SPATA17: variants seen among roughly 807,000 people sequenced by gnomAD.
SPATA17 encodes spermatogenesis associated 17, also known as spermatogenesis-associated protein 17.
In SPATA17, 53 loss-of-function variants were observed where a neutral mutation model predicts 62.2. That is an observed-to-expected ratio of 0.85 (90% CI 0.68 to 1.07). The LOEUF is 1.07. SPATA17 is among the 50% of genes least tolerant of loss of function. The probability of loss-of-function intolerance (pLI) is 0.00; values close to 1 mark genes in which losing one functional copy is unlikely to be tolerated. For missense variants in SPATA17, 466 were observed against 425.5 expected (o/e 1.10, Z -0.84); for synonymous variants, 146 against 146.8 (o/e 0.99, Z 0.04).
intron 5 of SPATA17, among the ~76,000 whole-genome samples, chr1:217,702,727 T>C (rs1042235981): frequency 6.6e-6 from 1 of 152,192 alleles, no homozygotes; most frequent in Non-Finnish European, 1.5e-5. Flanking sequence ...AGGTAATCCT[T>C]TGGCATTTTT....
In SPATA17 at chr1:217,741,382, C is replaced by T. The variant is rs1038782864; in HGVS notation, c.396-593C>T. On this transcript the variant is annotated intron_variant, in intron 5 of 10. Transcript: ENST00000366933. The stretch of plus-strand genomic sequence containing the variant: ...TACTTAGAAAAGACTTGCACTTTCT[C>T]ACCTAATTTAGCTTTTATTCGAATT... Among the ~76,000 whole-genome samples, 5 of 152,190 alleles carry T rather than the reference C, an allele frequency of 3.3e-5. No homozygotes were observed. In the East Asian group the frequency reaches 9.6e-4, roughly 29 times the overall value.
chr1:217,795,168 G>T (rs1269792577), intron 8 of SPATA17, among the ~76,000 whole-genome samples: 1 of 151,914 alleles, frequency 6.6e-6, no homozygotes, highest in Non-Finnish European at 1.5e-5. Flanking sequence ...ACACTTAAAT[G>T]GATTTTTGGC....
chr1:217,675,238 T>C (rs1558561236), intron 4 of SPATA17, among the ~76,000 whole-genome samples: 2 of 152,170 alleles, frequency 1.3e-5, no homozygotes, highest in Non-Finnish European at 2.9e-5. Context: ...GGGAAAATTA[T>C]ACTTATTTTT....
chr1:217,681,379 C>A (rs1671080671), intron 4 of SPATA17, among the ~76,000 whole-genome samples: 2 of 151,706 alleles, frequency 1.3e-5, no homozygotes, highest in Admixed American at 1.3e-4. Flanking sequence ...TGTTTAATAT[C>A]TTTTTTTCTT....
intron 9 of SPATA17, among the ~76,000 whole-genome samples, chr1:217,850,177 T>C (rs1050441366): frequency 2.0e-5 from 3 of 152,182 alleles, no homozygotes; most frequent in African/African-American, 7.2e-5. Flanking sequence ...AATTTCAAAG[T>C]ACAGTCGTGT....
At chr1:217,705,415 T>C (rs1027371343) in intron 5 of SPATA17, among the ~76,000 whole-genome samples, 3 of 149,784 alleles carry the variant, frequency 2.0e-5, no homozygotes, top group African/African-American at 7.3e-5. Flanking sequence ...TTTATCTCAA[T>C]TAGATTCTAG....
intron 9 of SPATA17, among the ~76,000 whole-genome samples, chr1:217,842,786 T>A (rs1675439875): frequency 6.6e-6 from 1 of 152,002 alleles, no homozygotes; most frequent in Non-Finnish European, 1.5e-5. Context: ...GTTTCTTCAA[T>A]TTTTGGGGTT....
At chr1:217,802,001 A>G (rs912872082) in intron 9 of SPATA17, 151 bp downstream of exon 9, 2 of 830,916 alleles carry the variant, frequency 2.4e-6, no homozygotes, top group African/African-American at 3.6e-5. Context: ...GGTGCTGCTG[A>G]CCTATGTAAG....
At chr1:217,671,842 G>A (rs564407501) in intron 4 of SPATA17, among the ~76,000 whole-genome samples, 113 of 152,322 alleles carry the variant, frequency 7.4e-4, no homozygotes, top group Non-Finnish European at 1.4e-3. Flanking sequence ...ATTTATAATA[G>A]AGACATTTCT....
chr1:217,721,994 C>T (rs1558579745), intron 5 of SPATA17, among the ~76,000 whole-genome samples: 1 of 152,154 alleles, frequency 6.6e-6, no homozygotes, highest in Non-Finnish European at 1.5e-5. Flanking sequence ...CTTCTGCCTT[C>T]CACAGTCCCT....
chr1:217,794,582 T>A (rs980852253), intron 8 of SPATA17, among the ~76,000 whole-genome samples: 1 of 152,128 alleles, frequency 6.6e-6, no homozygotes, highest in African/African-American at 2.4e-5. Context: ...GAAAAGTAAT[T>A]AAAAATGGCA....
intron 5 of SPATA17, among the ~76,000 whole-genome samples, chr1:217,736,937 T>G (rs569794375): frequency 2.0e-5 from 3 of 152,208 alleles, no homozygotes; most frequent in African/African-American, 7.2e-5. Context: ...GAAAGAGTAG[T>G]GACAGTTCAT....
chr1:217,680,338 A>G (rs929495060), intron 4 of SPATA17, among the ~76,000 whole-genome samples: 9 of 152,230 alleles, frequency 5.9e-5, no homozygotes, highest in Admixed American at 5.2e-4. Context: ...TGATCAAATT[A>G]GATAAGCTAG....
At chr1:217,865,876 G>A (rs563751909) in intron 10 of SPATA17, among the ~76,000 whole-genome samples, 4 of 152,110 alleles carry the variant, frequency 2.6e-5, no homozygotes, top group African/African-American at 4.8e-5. Flanking sequence ...CAATTTTGAG[G>A]CCCGATAAGA....
intron 9 of SPATA17, among the ~76,000 whole-genome samples, chr1:217,806,442 A>T (rs1674437222): frequency 1.3e-5 from 2 of 152,318 alleles, no homozygotes; most frequent in South Asian, 4.1e-4. Flanking sequence ...TAGCAGCCCC[A>T]GTGATCTCTG....
At chr1:217,664,914 T>C (rs144054762) in intron 3 of SPATA17, among the ~76,000 whole-genome samples, 2 of 151,856 alleles carry the variant, frequency 1.3e-5, no homozygotes, top group East Asian at 3.9e-4. Flanking sequence ...ACAGGGGAGA[T>C]AGGATTTGGA....
intron 6 of SPATA17, among the ~76,000 whole-genome samples, chr1:217,765,572 G>A (rs1269667463): frequency 6.6e-6 from 1 of 151,878 alleles, no homozygotes; most frequent in East Asian, 1.9e-4. Flanking sequence ...GAGGTCTCCA[G>A]TTTTCTTTCT....
intron 8 of SPATA17, among the ~76,000 whole-genome samples, chr1:217,798,999 A>G (rs930134022): frequency 6.6e-6 from 1 of 151,988 alleles, no homozygotes; most frequent in Admixed American, 6.6e-5. Context: ...ATATCGTTTT[A>G]AAGTAATTGA....
chr1:217,657,580 T>C (rs192739976), intron 3 of SPATA17, among the ~76,000 whole-genome samples: 4 of 152,346 alleles, frequency 2.6e-5, no homozygotes, highest in African/African-American at 7.2e-5. Flanking sequence ...GCTTAAATCA[T>C]CATTTTCTTA....
Sources: allele counts gnomAD v4.1 joint callset (sites outside exome capture counted in the v4.1 genomes callset), GRCh38; gene constraint gnomAD v4.1.1; transcripts MANE v1.5; gene names NCBI Gene and HGNC (gene_info 2026-07-23, HGNC 2026-07-21).